The following SUDS3 variants were observed in gnomAD, a reference collection of about 807,000 sequenced individuals.
SUDS3 encodes sin3 histone deacetylase corepressor complex component SDS3.
SUDS3 carries 23 observed loss-of-function variants against 53.5 expected under a neutral mutation model. That is an observed-to-expected ratio of 0.43 (90% CI 0.31 to 0.61). The LOEUF (loss-of-function observed/expected upper bound fraction) is 0.61. SUDS3 is among the 20% of genes least tolerant of loss of function. SUDS3 has a pLI of 0.10. For missense variants in SUDS3, 291 were observed against 405.9 expected (o/e 0.72, Z 2.43); for synonymous variants, 150 against 148.5 (o/e 1.01, Z -0.08).
intron 2 of SUDS3, among the ~76,000 whole-genome samples, chr12:118,382,824 C>T (rs1008407224): frequency 3.5e-5 from 4 of 114,548 alleles, no homozygotes; most frequent in South Asian, 6.4e-4. Context: ...CCCACCACCA[C>T]GTCTGGCTAA....
chr12:118,396,249 A>C (rs1282221313), intron 6 of SUDS3, among the ~76,000 whole-genome samples: 3 of 151,996 alleles, frequency 2.0e-5, no homozygotes, highest in Non-Finnish European at 4.4e-5. Flanking sequence ...TTTCCTTTTT[A>C]AATTTAAAGT....
At chr12:118,409,090 A>G (rs1012728297) in intron 10 of SUDS3, among the ~76,000 whole-genome samples, 1 of 152,212 alleles carries the variant, frequency 6.6e-6, no homozygotes, top group African/African-American at 2.4e-5. Flanking sequence ...TAAAGGGCCA[A>G]AAGCAACTTT....
rs143641179 is a variant in SUDS3 at position 118,415,435 on chromosome 12, C to G, written c.*1002C>G. 1.3e-5 allele frequency: 2 copies of G among 152,046 alleles called. No homozygotes were observed. Among genetic ancestry groups the G allele is most frequent in the African/African-American group, 4.8e-5 (2 of 41,410 alleles). The allele number at this position is 152,046 out of a possible 1,614,324, so 9.4% of individuals were successfully genotyped here. ...GAGAACTTTGTTGTCAGGCCCTGAG[C>G]GCTCACAGCTTCATTTGGCCCAGGT... On this transcript the variant is annotated 3_prime_UTR_variant, in exon 12 of 12. Coordinates refer to ENST00000543473, the MANE Select transcript of SUDS3 (RefSeq NM_022491.3).
chr12:118,376,774 A>G lies in SUDS3; in HGVS notation c.83A>G (p.Glu28Gly). 1 of 1,553,890 alleles carries G rather than the reference A, an allele frequency of 6.4e-7. No individual in the cohort carries two copies. The highest frequency in any genetic ancestry group is 8.7e-7 in the Non-Finnish European group (1 of 1,155,220). Residue 28 changes from glutamate to glycine, a missense_variant, in exon 1 of 12, where the codon GAA (glutamate) becomes GGA (glycine). Transcript: ENST00000543473. ...CCCGAGTACTACCCCGAGGAGGATGAAGAGCTGGAGAGCGCCGAGGACGAC... is the reference window on the plus strand; with the variant it reads ...CCCGAGTACTACCCCGAGGAGGATGGAGAGCTGGAGAGCGCCGAGGACGAC... ...PAPEYYPEED[E>G]ELESAEDDER...
chr12:118,407,962 C>CAT (rs1162691918), intron 10 of SUDS3, among the ~76,000 whole-genome samples: 1 of 152,008 alleles, frequency 6.6e-6, no homozygotes, highest in Admixed American at 6.5e-5. Context: ...AGTGCAGTGG[C>CAT]GCCATCTCAG....
At chr12:118,383,041 A>G (rs1451005991) in intron 2 of SUDS3, among the ~76,000 whole-genome samples, 1 of 152,196 alleles carries the variant, frequency 6.6e-6, no homozygotes, top group Non-Finnish European at 1.5e-5. Flanking sequence ...GGGGAAATCT[A>G]AAGTGCATCA....
At chr12:118,391,591 G>A (rs2046168430) in intron 6 of SUDS3, among the ~76,000 whole-genome samples, 1 of 152,210 alleles carries the variant, frequency 6.6e-6, no homozygotes, top group Non-Finnish European at 1.5e-5. Context: ...ACCTTTAATA[G>A]TAATTGCAAG....
chr12:118,390,716 G>T (rs151261302), intron 5 of SUDS3, among the ~76,000 whole-genome samples: 20 of 152,210 alleles, frequency 1.3e-4, no homozygotes, highest in African/African-American at 4.8e-4. Context: ...TATACTTTGG[G>T]GTTCAGGCAC....
chr12:118,387,494 AGAGT>A (rs996648658), intron 4 of SUDS3, among the ~76,000 whole-genome samples: 1 of 152,200 alleles, frequency 6.6e-6, no homozygotes, highest in African/African-American at 2.4e-5. Context: ...TTAGAACAGC[AGAGT>A]GAGTATTGAG....
intron 1 of SUDS3, among the ~76,000 whole-genome samples, chr12:118,379,840 G>A (rs1466305904): frequency 6.6e-6 from 1 of 152,204 alleles, no homozygotes; most frequent in African/African-American, 2.4e-5. Context: ...AAATCTGACT[G>A]TAAGTTGGAA....
chr12:118,411,770 G>A (rs1207483744), intron 11 of SUDS3, among the ~76,000 whole-genome samples: 3 of 151,954 alleles, frequency 2.0e-5, no homozygotes, highest in Non-Finnish European at 4.4e-5. Flanking sequence ...CAAAGTGCTG[G>A]GATTACAGGC....
intron 6 of SUDS3, among the ~76,000 whole-genome samples, chr12:118,399,802 CGAG>C (rs137870284): frequency 0.032 from 4,850 of 152,058 alleles, 241 homozygotes; most frequent in African/African-American, 0.11. Flanking sequence ...GGAGAGGAAA[CGAG>C]GAGAACTGAG....
At chr12:118,400,537 A>G (rs1221436175) in intron 6 of SUDS3, 122 bp from the exon 7 acceptor site, 2 of 877,954 alleles carry the variant, frequency 2.3e-6, no homozygotes, top group South Asian at 1.5e-5. Context: ...TGTGTAGAAC[A>G]AACACCCCCA....
intron 11 of SUDS3, 119 bp from the exon 12 acceptor site, chr12:118,414,216 C>A: frequency 1.3e-6 from 1 of 742,612 alleles, no homozygotes; most frequent in Non-Finnish European, 2.1e-6. Context: ...ACAGTTTATT[C>A]CAGCAAGAGG....
intron 10 of SUDS3, among the ~76,000 whole-genome samples, chr12:118,407,188 T>C (rs1415375545): frequency 1.3e-5 from 2 of 152,184 alleles, no homozygotes; most frequent in Admixed American, 1.3e-4. Context: ...GTATGAGCCC[T>C]GAACACTTTA....
intron 11 of SUDS3, among the ~76,000 whole-genome samples, chr12:118,412,761 T>C (rs74685643): frequency 0.11 from 17,491 of 152,202 alleles, 1,273 homozygotes; most frequent in Middle Eastern, 0.19. Flanking sequence ...TTAGATTGTT[T>C]TTCCCCTCTC....
intron 6 of SUDS3, among the ~76,000 whole-genome samples, chr12:118,397,507 G>A (rs942377010): frequency 6.6e-6 from 1 of 152,166 alleles, no homozygotes; most frequent in African/African-American, 2.4e-5. Flanking sequence ...ATCTTACTGT[G>A]TCTGTTGGGG....
chr12:118,378,712 G>GT (rs1473337455), intron 1 of SUDS3, among the ~76,000 whole-genome samples: 5 of 151,694 alleles, frequency 3.3e-5, no homozygotes, highest in African/African-American at 1.2e-4. Flanking sequence ...TTTCACTCTT[G>GT]TTGCCCAGGG....
chr12:118,407,267 T>A (rs1050121150), intron 10 of SUDS3, among the ~76,000 whole-genome samples: 1 of 152,128 alleles, frequency 6.6e-6, no homozygotes, highest in African/African-American at 2.4e-5. Context: ...GGATAATGGT[T>A]CCCCCAAGAC....
Sources: allele counts gnomAD v4.1 joint callset (sites outside exome capture counted in the v4.1 genomes callset), GRCh38; gene constraint gnomAD v4.1.1; transcripts MANE v1.5; gene names NCBI Gene and HGNC (gene_info 2026-07-23, HGNC 2026-07-21).